The following LSAMP variants were observed in gnomAD, a reference collection of about 807,000 sequenced individuals.
LSAMP encodes the protein limbic system associated membrane protein, also known as limbic system-associated membrane protein.
A neutral mutation model predicts 38.6 loss-of-function variants in LSAMP; 7 were observed. The observed-to-expected ratio is 0.18, with a 90% CI of 0.10 to 0.34. The LOEUF is 0.34. Among genes scored for constraint, LSAMP ranks in the 10% least tolerant of loss-of-function variants. The pLI is 1.00. For missense variants in LSAMP, 313 were observed against 420.0 expected (o/e 0.75, Z 2.23); for synonymous variants, 154 against 166.8 (o/e 0.92, Z 0.59).
intron 2 of LSAMP, among the ~76,000 whole-genome samples, chr3:116,054,439 A>G (rs188480550): frequency 1.3e-5 from 2 of 152,292 alleles, no homozygotes; most frequent in Admixed American, 1.3e-4. Context: ...TACCTCAGAC[A>G]TACTTAGCCC....
chr3:116,423,084 A>G (rs1257135345), intron 1 of LSAMP, among the ~76,000 whole-genome samples: 1 of 152,254 alleles, frequency 6.6e-6, no homozygotes, highest in Non-Finnish European at 1.5e-5. Flanking sequence ...GTTAACAGCC[A>G]TATGTCAAAG....
intron 3 of LSAMP, among the ~76,000 whole-genome samples, chr3:115,876,643 T>C (rs72953484): frequency 0.17 from 26,064 of 152,080 alleles, 2,733 homozygotes; most frequent in Admixed American, 0.27. Flanking sequence ...ATCATGATTT[T>C]ACTCTTAAGA....
intron 1 of LSAMP, among the ~76,000 whole-genome samples, chr3:116,216,627 A>C (rs1359574639): frequency 6.6e-6 from 1 of 152,208 alleles, no homozygotes; most frequent in South Asian, 2.1e-4. Context: ...ACACAAAAAA[A>C]CTGTTTAGGA....
At chr3:115,815,385 C>T (rs1933985020) in intron 6 of LSAMP, among the ~76,000 whole-genome samples, 2 of 152,070 alleles carry the variant, frequency 1.3e-5, no homozygotes, top group African/African-American at 4.8e-5. Flanking sequence ...ACTACTACAT[C>T]GATGTTTTCT....
intron 3 of LSAMP, among the ~76,000 whole-genome samples, chr3:115,874,839 C>G (rs1936140330): frequency 6.6e-6 from 1 of 151,786 alleles, no homozygotes; most frequent in African/African-American, 2.4e-5. Flanking sequence ...GAAAAAGCCA[C>G]TGAAGTGGAG....
At chr3:116,276,684 GAA>G (rs200897808) in intron 1 of LSAMP, among the ~76,000 whole-genome samples, 1,117 of 106,806 alleles carry the variant, frequency 0.01, 13 homozygotes, top group African/African-American at 0.033. Context: ...TAAAAAAAAA[GAA>G]AAAAAAAAAA....
intron 3 of LSAMP, among the ~76,000 whole-genome samples, chr3:116,001,964 G>A (rs771719623): frequency 1.3e-5 from 2 of 152,104 alleles, no homozygotes; most frequent in Non-Finnish European, 2.9e-5. Flanking sequence ...TCATTATTCT[G>A]TCTATCACCC....
intron 1 of LSAMP, among the ~76,000 whole-genome samples, chr3:116,224,814 G>T (rs1289460648): frequency 6.6e-6 from 1 of 152,174 alleles, no homozygotes; most frequent in Non-Finnish European, 1.5e-5. Context: ...CTGTGATAGT[G>T]CTACCAGCCC....
In LSAMP at chr3:115,956,073, A is replaced by T. The variant is rs189175641; in HGVS notation, c.514+63442T>A. ...GTTCAACTGTAGACGACCATGATTT[A>T]CCTCTTTGCTCAAAACTTCACCTAG... On this transcript the variant is annotated intron_variant, in intron 3 of 6. Coordinates refer to ENST00000490035, the MANE Select transcript of LSAMP (RefSeq NM_002338.5). Among the ~76,000 whole-genome samples the T allele has an allele frequency of 3.3e-5, 5 of 152,182 alleles. 1 individual carries two copies. In the East Asian group the frequency reaches 9.6e-4, roughly 29 times the overall value.
intron 2 of LSAMP, among the ~76,000 whole-genome samples, chr3:116,038,558 A>G (rs1941099226): frequency 6.6e-6 from 1 of 152,188 alleles, no homozygotes; most frequent in African/African-American, 2.4e-5. Context: ...AATGCCTTGA[A>G]TACTTTCTTT....
At chr3:116,081,114 A>G (rs1403571155) in intron 2 of LSAMP, among the ~76,000 whole-genome samples, 1 of 152,186 alleles carries the variant, frequency 6.6e-6, no homozygotes, top group Non-Finnish European at 1.5e-5. Context: ...GAATTGCAAA[A>G]CTTGCTTCTA....
At chr3:116,053,618 C>A (rs1941436651) in intron 2 of LSAMP, among the ~76,000 whole-genome samples, 1 of 152,114 alleles carries the variant, frequency 6.6e-6, no homozygotes, top group African/African-American at 2.4e-5. Context: ...AGGTGGCAAA[C>A]TTAAATGAGT....
chr3:116,048,598 C>T (rs908420789), intron 2 of LSAMP, among the ~76,000 whole-genome samples: 1 of 152,130 alleles, frequency 6.6e-6, no homozygotes, highest in African/African-American at 2.4e-5. Flanking sequence ...TTTGTGTGAG[C>T]TACTTTTGCA....
chr3:115,834,263 A>T (rs1458380586), intron 6 of LSAMP, among the ~76,000 whole-genome samples: 6 of 152,032 alleles, frequency 3.9e-5, no homozygotes, highest in Non-Finnish European at 7.4e-5. Flanking sequence ...CAAATATGTG[A>T]GTTCCTAGTT....
At chr3:115,848,742 G>C (rs1399283064) in intron 4 of LSAMP, among the ~76,000 whole-genome samples, 2 of 152,194 alleles carry the variant, frequency 1.3e-5, no homozygotes, top group African/African-American at 2.4e-5. Context: ...AAAAGGAGTT[G>C]TGAGAAGTGA....
At chr3:116,378,627 C>A (rs1206283708) in intron 1 of LSAMP, among the ~76,000 whole-genome samples, 1 of 151,880 alleles carries the variant, frequency 6.6e-6, no homozygotes, top group African/African-American at 2.4e-5. Context: ...AAATGCTGAG[C>A]ATTTATAGAT....
intron 6 of LSAMP, among the ~76,000 whole-genome samples, chr3:115,839,186 C>T (rs1371085326): frequency 6.6e-6 from 1 of 152,138 alleles, no homozygotes; most frequent in Non-Finnish European, 1.5e-5. Flanking sequence ...ACAATTGACC[C>T]ACACGTGTAC....
chr3:116,160,473 AGAG>A (rs1219675840), intron 1 of LSAMP, among the ~76,000 whole-genome samples: 2 of 151,436 alleles, frequency 1.3e-5, no homozygotes, highest in Non-Finnish European at 2.9e-5. Flanking sequence ...AGAAGAGAAA[AGAG>A]GAGAGGAGAG....
chr3:116,003,902 G>GA (rs1001534637), intron 3 of LSAMP, among the ~76,000 whole-genome samples: 5 of 152,174 alleles, frequency 3.3e-5, no homozygotes, highest in African/African-American at 1.2e-4. Context: ...AAAATAGTGA[G>GA]ATAACACCTT....
Sources: gnomAD v4.1 joint callset for allele counts (sites outside exome capture counted in the v4.1 genomes callset) on GRCh38, gnomAD v4.1.1 for gene constraint, MANE v1.5 for transcripts, NCBI Gene and HGNC (gene_info 2026-07-23, HGNC 2026-07-21) for gene names.